TNIK: variants seen among roughly 807,000 people sequenced by gnomAD.
The protein encoded by TNIK is TRAF2 and NCK-interacting protein kinase.
In TNIK, 49 loss-of-function variants were observed where a neutral mutation model predicts 191.3. The ratio of observed to expected loss-of-function variants is 0.26; its 90% CI spans 0.20 to 0.32. The LOEUF is 0.32. Among genes scored for constraint, TNIK ranks in the 10% least tolerant of loss-of-function variants. TNIK has a pLI of 1.00. For missense variants in TNIK, 1,155 were observed against 1,702.3 expected, an observed-to-expected ratio of 0.68 and a Z score of 5.66; for synonymous variants, 594 against 600.9, an observed-to-expected ratio of 0.99 and a Z score of 0.17.
At position 171,290,121 on chromosome 3, in the gene TNIK, G is replaced by A. The variant is rs929752509; in HGVS notation, c.124-61900C>T. 2.6e-5 allele frequency among the ~76,000 whole-genome samples: 4 copies of A among 152,156 alleles called. No homozygotes were observed. In the South Asian group the frequency reaches 6.2e-4, roughly 24 times the overall value. On this transcript the variant is annotated intron_variant, in intron 2 of 32. Transcript: ENST00000436636. The stretch of plus-strand genomic sequence containing the variant: ...TAGAAGAGGATGGGAAAAACAGCTT[G>A]TAGCACTTTGGGCTCTTGAGAAGGC...
At chr3:171,384,703 T>A (rs1186015455) in intron 1 of TNIK, among the ~76,000 whole-genome samples, 6 of 152,228 alleles carry the variant, frequency 3.9e-5, no homozygotes, top group Admixed American at 3.9e-4. Flanking sequence ...ATTTATGGCA[T>A]GAGCTGGCCC....
In TNIK at chr3:171,066,770, TAAAAAATAAA is replaced by T; in HGVS notation, c.3700-45_3700-36del. On this transcript the variant is annotated intron_variant, in intron 30 of 32. Coordinates refer to ENST00000436636, the MANE Select transcript of TNIK (RefSeq NM_015028.4). ...AAAGAAAAGCCAAGCATTATTCTTT[TAAAAAATAAA>T]ACACCTTGACTATTCATCTCTAACA... 3 of 1,590,238 alleles carry T rather than the reference TAAAAAATAAA, an allele frequency of 1.9e-6. No homozygotes were observed. In the South Asian group the frequency reaches 3.4e-5, roughly 18 times the overall value.
At chr3:171,446,362 G>T (rs1727493385) in intron 1 of TNIK, among the ~76,000 whole-genome samples, 1 of 152,000 alleles carries the variant, frequency 6.6e-6, no homozygotes, top group African/African-American at 2.4e-5. Context: ...TTGATTACAG[G>T]CAGCTTTAAA....
At chr3:171,214,065 T>C (rs1235838262) in intron 3 of TNIK, among the ~76,000 whole-genome samples, 1 of 152,072 alleles carries the variant, frequency 6.6e-6, no homozygotes, top group Non-Finnish European at 1.5e-5. Context: ...CTGTAAGACA[T>C]GGTTAGGTAG....
intron 7 of TNIK, among the ~76,000 whole-genome samples, chr3:171,188,488 ATTT>A (rs890485146): frequency 3.9e-5 from 6 of 152,160 alleles, no homozygotes; most frequent in Non-Finnish European, 7.4e-5. Flanking sequence ...CTTTTTATTT[ATTT>A]TTTTATTTTT....
intron 2 of TNIK, among the ~76,000 whole-genome samples, chr3:171,245,984 T>C (rs938879061): frequency 5.3e-5 from 8 of 151,950 alleles, no homozygotes; most frequent in African/African-American, 1.7e-4. Context: ...TAGATGCTTG[T>C]GTAGGGCAGC....
chr3:171,392,608 T>G (rs1034063770), intron 1 of TNIK, among the ~76,000 whole-genome samples: 1 of 151,848 alleles, frequency 6.6e-6, no homozygotes, highest in African/African-American at 2.4e-5. Flanking sequence ...GGCAAAACCC[T>G]GACTCAACTA....
chr3:171,266,631 T>C lies in TNIK; in HGVS notation c.124-38410A>G, dbSNP rs373144827. ...TGCCAAGTTATCTCATTCAACAGAGTTGTGAAATCTGCATGCTTCCATGGG... is the reference window on the plus strand; with the variant it reads ...TGCCAAGTTATCTCATTCAACAGAGCTGTGAAATCTGCATGCTTCCATGGG... On this transcript the variant is annotated intron_variant, in intron 2 of 32. Coordinates refer to ENST00000436636, the MANE Select transcript of TNIK (RefSeq NM_015028.4). 3.9e-5 allele frequency among the ~76,000 whole-genome samples: 6 copies of C among 152,264 alleles called. No individual in the cohort carries two copies. In the South Asian group the frequency reaches 1.2e-3, roughly 32 times the overall value.
intron 2 of TNIK, among the ~76,000 whole-genome samples, chr3:171,285,795 T>C (rs1362717445): frequency 2.0e-5 from 3 of 152,234 alleles, no homozygotes; most frequent in African/African-American, 7.2e-5. Flanking sequence ...GTGTGTTTTT[T>C]TAACTGCCAT....
intron 12 of TNIK, among the ~76,000 whole-genome samples, chr3:171,146,302 C>T (rs1253219231): frequency 1.3e-5 from 2 of 152,168 alleles, no homozygotes; most frequent in Non-Finnish European, 2.9e-5. Context: ...CTCTTTAAGC[C>T]ACCTTAACTC....
At position 171,159,521 on chromosome 3, in the gene TNIK, G is replaced by C. The variant is rs1452909829; in HGVS notation, c.1016+1749C>G. Reference sequence around the variant, plus strand: ...CTTCTCTAAAACTTAGAGCCTTTGTGTCAAACTCTAAAACCCCAAACGATG... The same window carrying C: ...CTTCTCTAAAACTTAGAGCCTTTGTCTCAAACTCTAAAACCCCAAACGATG... On this transcript the variant is annotated intron_variant, in intron 11 of 32. Coordinates refer to ENST00000436636, the MANE Select transcript of TNIK (RefSeq NM_015028.4). This position sits in a 1 kb window ranked among gnomAD's most constrained non-coding sequence, Gnocchi z 4.1. Among the ~76,000 whole-genome samples the C allele has an allele frequency of 2.6e-5, 4 of 152,148 alleles. No homozygotes were observed. The East Asian group carries it at 7.7e-4, about 29-fold the overall frequency.
chr3:171,175,686 G>A (rs553397926), intron 8 of TNIK, among the ~76,000 whole-genome samples: 3 of 152,284 alleles, frequency 2.0e-5, no homozygotes, highest in South Asian at 4.1e-4. Context: ...CAATGGAGAT[G>A]GTAAGCTATT....
At chr3:171,176,344 G>A (rs917819535) in intron 8 of TNIK, among the ~76,000 whole-genome samples, 4 of 152,168 alleles carry the variant, frequency 2.6e-5, no homozygotes, top group Admixed American at 1.3e-4. Flanking sequence ...ATGACAACCC[G>A]AAGGTAAAAG....
At chr3:171,297,075 T>C (rs542953097) in intron 2 of TNIK, among the ~76,000 whole-genome samples, 57 of 152,130 alleles carry the variant, frequency 3.7e-4, no homozygotes, top group Non-Finnish European at 2.6e-4. Context: ...CCAGTCAAGA[T>C]CCTAGGTATC....
chr3:171,077,090 T>TA (rs1720065723), intron 28 of TNIK, among the ~76,000 whole-genome samples: 1 of 141,378 alleles, frequency 7.1e-6, no homozygotes, highest in African/African-American at 2.6e-5. Context: ...CCTTTTTTTT[T>TA]ATACTTGTTT....
At chr3:171,066,856 A>G (rs1718505202) in intron 30 of TNIK, 121 bp from the exon 31 acceptor site, 1 of 1,211,016 alleles carries the variant, frequency 8.3e-7, no homozygotes, top group Admixed American at 2.9e-5. Flanking sequence ...TAAAGACTGA[A>G]ATTTGCTTTA....
At chr3:171,284,092 C>G (rs1038303761) in intron 2 of TNIK, among the ~76,000 whole-genome samples, 1 of 152,148 alleles carries the variant, frequency 6.6e-6, no homozygotes, top group Admixed American at 6.5e-5. Flanking sequence ...CAGACCCAAC[C>G]GAGACCTATG....
At position 171,063,624 on chromosome 3, in the gene TNIK, T is replaced by C; in HGVS notation, c.*257A>G. The C allele has an allele frequency of 2.5e-6, 1 of 398,894 alleles. No individual in the cohort carries two copies. Among genetic ancestry groups the C allele is most frequent in the Non-Finnish European group, 4.5e-6 (1 of 222,892 alleles). The allele number at this position is 398,894 out of a possible 1,614,324, so 24.7% of individuals were successfully genotyped here. A position where few individuals can be genotyped will look rare whatever the true frequency, so the allele number is the denominator to read the frequency against. On this transcript the variant is annotated 3_prime_UTR_variant, in exon 33 of 33. Coordinates refer to ENST00000436636, the MANE Select transcript of TNIK (RefSeq NM_015028.4). ...ATCCCTAATTCCGAAGGGCACATGG[T>C]CCATCTTTGTCCACAGACAAGGCAG...
At chr3:171,236,284 C>G (rs892323328) in intron 2 of TNIK, among the ~76,000 whole-genome samples, 1 of 152,198 alleles carries the variant, frequency 6.6e-6, no homozygotes, top group Non-Finnish European at 1.5e-5. Flanking sequence ...GGGGAAATGT[C>G]TACTTCCGCG....
Sources: gnomAD v4.1 joint callset for allele counts (sites outside exome capture counted in the v4.1 genomes callset) on GRCh38, gnomAD v4.1.1 for gene constraint, Gnocchi (gnomAD v3.1) non-coding constraint, MANE v1.5 for transcripts, NCBI Gene and HGNC (gene_info 2026-07-23, HGNC 2026-07-21) for gene names.